The following ARHGAP44 variants were observed in gnomAD, a reference collection of about 807,000 sequenced individuals.
ARHGAP44 encodes the protein rho GTPase-activating protein 44.
In ARHGAP44, 43 loss-of-function variants were observed where a neutral mutation model predicts 106.8. The observed-to-expected ratio is 0.40, with a 90% CI of 0.32 to 0.52. ARHGAP44 has a LOEUF of 0.52. ARHGAP44 is among the 20% of genes least tolerant of loss of function. ARHGAP44 has a pLI of 0.48. For synonymous variants in ARHGAP44, 439 were observed against 410.3 expected, an observed-to-expected ratio of 1.07 and a Z score of -0.85; for missense variants, 866 against 1,050.5, an observed-to-expected ratio of 0.82 and a Z score of 2.43.
At chr17:12,790,673 G>C (rs1042772575) in intron 1 of ARHGAP44, 3 of 152,736 alleles carry the variant, frequency 2.0e-5, no homozygotes, top group Non-Finnish European at 4.4e-5. Context: ...GACCCCGCCT[G>C]CTGCCATCAC....
intron 1 of ARHGAP44, among the ~76,000 whole-genome samples, chr17:12,871,000 TC>T (rs1367713246): frequency 1.3e-5 from 2 of 152,184 alleles, no homozygotes; most frequent in Non-Finnish European, 2.9e-5. Context: ...CCGCCTTTCT[TC>T]CTTTTCTCTT....
chr17:12,952,642 C>T, intron 13 of ARHGAP44, 61 bp downstream of exon 13: 1 of 1,247,428 alleles, frequency 8.0e-7, no homozygotes, highest in Non-Finnish European at 1.1e-6. Flanking sequence ...CTCAGAGATA[C>T]AACTGCCCGG....
At chr17:12,927,432 T>C (rs189171076) in intron 6 of ARHGAP44, among the ~76,000 whole-genome samples, 14 of 152,322 alleles carry the variant, frequency 9.2e-5, no homozygotes, top group Admixed American at 9.1e-4. Flanking sequence ...GATTCTTGAC[T>C]CTTGACATGA....
intron 7 of ARHGAP44, among the ~76,000 whole-genome samples, chr17:12,930,502 T>TG (rs1464785126): frequency 6.6e-6 from 1 of 152,164 alleles, no homozygotes; most frequent in Non-Finnish European, 1.5e-5. Context: ...CCTCACAAAG[T>TG]GCTGGGATTA....
chr17:12,896,351 C>G, intron 2 of ARHGAP44, 56 bp from the exon 3 acceptor site: 1 of 1,443,406 alleles, frequency 6.9e-7, no homozygotes, highest in Non-Finnish European at 9.5e-7. Flanking sequence ...ACCCACAATC[C>G]CTCCTCCCCT....
intron 1 of ARHGAP44, among the ~76,000 whole-genome samples, chr17:12,855,676 A>G (rs1046787372): frequency 6.6e-6 from 1 of 152,064 alleles, no homozygotes; most frequent in Non-Finnish European, 1.5e-5. Context: ...CCCAATTCCC[A>G]TACTTCTTTG....
chr17:12,859,724 AGAAG>A (rs1183020544), intron 1 of ARHGAP44, among the ~76,000 whole-genome samples: 2 of 152,240 alleles, frequency 1.3e-5, no homozygotes, highest in African/African-American at 2.4e-5. Context: ...CCAGGAAGGA[AGAAG>A]TGTTTTATTA....
intron 1 of ARHGAP44, among the ~76,000 whole-genome samples, chr17:12,843,629 A>T (rs1469832432): frequency 7.1e-6 from 1 of 141,046 alleles, no homozygotes; most frequent in Non-Finnish European, 1.5e-5. Flanking sequence ...ATGCTATTAC[A>T]TTCTCCCATA....
intron 18 of ARHGAP44, among the ~76,000 whole-genome samples, chr17:12,977,070 G>A (rs1010053810): frequency 2.0e-5 from 3 of 152,020 alleles, no homozygotes; most frequent in African/African-American, 4.8e-5. Flanking sequence ...GAACATTCTC[G>A]GTGGGTGACC....
intron 4 of ARHGAP44, among the ~76,000 whole-genome samples, chr17:12,911,822 G>A (rs992250759): frequency 2.6e-5 from 4 of 152,176 alleles, no homozygotes; most frequent in Admixed American, 6.6e-5. Flanking sequence ...CTCCACAGCC[G>A]TCTTCTTCCA....
At chr17:12,918,377 C>A (rs1157655990) in intron 5 of ARHGAP44, among the ~76,000 whole-genome samples, 2 of 152,180 alleles carry the variant, frequency 1.3e-5, no homozygotes, top group Non-Finnish European at 2.9e-5. Context: ...TATATAAAAA[C>A]CGCAGCCCGA....
chr17:12,925,924 A>G (rs1056201106), intron 6 of ARHGAP44, among the ~76,000 whole-genome samples: 1 of 152,198 alleles, frequency 6.6e-6, no homozygotes, highest in African/African-American at 2.4e-5. Context: ...CAACATGACT[A>G]TCTGTACAAA....
intron 19 of ARHGAP44, among the ~76,000 whole-genome samples, chr17:12,982,153 C>T (rs898812866): frequency 4.6e-5 from 7 of 152,140 alleles, no homozygotes; most frequent in African/African-American, 9.7e-5. Flanking sequence ...TGACCCTTTT[C>T]GTTTTTGCAG....
intron 16 of ARHGAP44, among the ~76,000 whole-genome samples, chr17:12,971,986 T>C (rs1370218766): frequency 1.3e-5 from 2 of 152,168 alleles, no homozygotes; most frequent in Non-Finnish European, 2.9e-5. Flanking sequence ...CTTGAACTTT[T>C]TCTGTTATTA....
chr17:12,871,995 G>C (rs2036420125), intron 1 of ARHGAP44, among the ~76,000 whole-genome samples: 1 of 152,048 alleles, frequency 6.6e-6, no homozygotes, highest in Admixed American at 6.6e-5. Context: ...ATAGCCATGT[G>C]AGAAAGGACA....
chr17:12,803,886 TA>T, intron 1 of ARHGAP44, among the ~76,000 whole-genome samples: 1 of 152,154 alleles, frequency 6.6e-6, no homozygotes, highest in Non-Finnish European at 1.5e-5. Context: ...TCTATATTTG[TA>T]TTTACGGCTC....
At chr17:12,855,943 G>T (rs1355644487) in intron 1 of ARHGAP44, among the ~76,000 whole-genome samples, 1 of 152,170 alleles carries the variant, frequency 6.6e-6, no homozygotes, top group Non-Finnish European at 1.5e-5. Flanking sequence ...TAAGGCCCTG[G>T]ATTGCAAAAG....
chr17:12,975,569 C>T (rs184511555), intron 18 of ARHGAP44, among the ~76,000 whole-genome samples: 26 of 152,030 alleles, frequency 1.7e-4, no homozygotes, highest in Admixed American at 6.5e-4. Context: ...GAGGCCGAGG[C>T]GGGTGGATCA....
chr17:12,853,595 G>A (rs1311225313), intron 1 of ARHGAP44, among the ~76,000 whole-genome samples: 1 of 152,162 alleles, frequency 6.6e-6, no homozygotes, highest in Non-Finnish European at 1.5e-5. Context: ...GCAGGAGCGA[G>A]GCGTCCTATC....
Sources: gnomAD v4.1 joint callset for allele counts (sites outside exome capture counted in the v4.1 genomes callset) on GRCh38, gnomAD v4.1.1 for gene constraint, MANE v1.5 for transcripts, NCBI Gene and HGNC (gene_info 2026-07-23, HGNC 2026-07-21) for gene names.